Variants in CLYBL observed in about 807,000 individuals in gnomAD.
CLYBL encodes citramalyl-CoA lyase, mitochondrial.
In CLYBL, 31 loss-of-function variants were observed where a neutral mutation model predicts 38.9. The observed-to-expected ratio is 0.80, with a 90% CI of 0.60 to 1.08. The LOEUF is 1.08. Among genes scored for constraint, CLYBL ranks in the 50% least tolerant of loss-of-function variants. CLYBL has a pLI of 0.00. For synonymous variants in CLYBL, 171 were observed against 158.6 expected, an observed-to-expected ratio of 1.08 and a Z score of -0.59; for missense variants, 434 against 411.6, an observed-to-expected ratio of 1.05 and a Z score of -0.47.
At chr13:99,625,047 C>T (rs955723413) in intron 1 of CLYBL, among the ~76,000 whole-genome samples, 1 of 152,240 alleles carries the variant, frequency 6.6e-6, no homozygotes, top group Non-Finnish European at 1.5e-5. Context: ...CTGTTCCCTC[C>T]TTATGGCCAG....
chr13:99,794,928 AT>A (rs2049992100), intron 2 of CLYBL, among the ~76,000 whole-genome samples: 1 of 152,166 alleles, frequency 6.6e-6, no homozygotes, highest in South Asian at 2.1e-4. Flanking sequence ...CAGTGGGTGT[AT>A]TTTAAGTCAT....
intron 1 of CLYBL, among the ~76,000 whole-genome samples, chr13:99,615,354 G>T (rs2046692562): frequency 6.6e-6 from 1 of 152,242 alleles, no homozygotes; most frequent in Non-Finnish European, 1.5e-5. Context: ...ATTTAGGAAT[G>T]CAGGTTTCTA....
intron 7 of CLYBL, among the ~76,000 whole-genome samples, chr13:99,879,528 T>TA (rs1243097924): frequency 6.6e-6 from 1 of 152,228 alleles, no homozygotes; most frequent in Non-Finnish European, 1.5e-5. Flanking sequence ...CCTCTGCTGA[T>TA]ATTCTAAGTT....
chr13:99,640,472 G>GA (rs1348474431), intron 1 of CLYBL, among the ~76,000 whole-genome samples: 2 of 152,194 alleles, frequency 1.3e-5, no homozygotes, highest in African/African-American at 4.8e-5. Flanking sequence ...AAGGCTAGTG[G>GA]AAAATAGTTA....
intron 1 of CLYBL, among the ~76,000 whole-genome samples, chr13:99,612,676 C>T (rs2046646250): frequency 6.6e-6 from 1 of 152,090 alleles, no homozygotes; most frequent in South Asian, 2.1e-4. Context: ...ATGTGAGCCG[C>T]CACACCCATC....
At chr13:99,759,946 C>G (rs988882312) in intron 1 of CLYBL, among the ~76,000 whole-genome samples, 1 of 152,148 alleles carries the variant, frequency 6.6e-6, no homozygotes, top group South Asian at 2.1e-4. Context: ...CTTTTAAATG[C>G]TTTTATTGGC....
rs530179689 is a variant in CLYBL, at chr13:99,651,153, A to G, written c.62+44396A>G. On this transcript the variant is annotated intron_variant, in intron 1 of 8. Transcript: ENST00000339105. ...CTCTGCCTTCCAGTAGCTTTGCCCA[A>G]TGTGATCTCTGCTCTTTGTACCCTG... Among the ~76,000 whole-genome samples the G allele has an allele frequency of 3.3e-5, 5 of 152,312 alleles. No individual in the cohort carries two copies. In the East Asian group the frequency reaches 5.8e-4, roughly 18 times the overall value.
intron 8 of CLYBL, among the ~76,000 whole-genome samples, chr13:99,904,551 T>C (rs753530339): frequency 6.6e-6 from 1 of 152,236 alleles, no homozygotes; most frequent in Admixed American, 6.5e-5. Context: ...CATGTTGAAA[T>C]GTCTCATGCT....
Position 99,902,659 on chromosome 13 carries a change from C to CT in CLYBL, c.*25-2606dup, listed in dbSNP as rs554982366. Among the ~76,000 whole-genome samples, 49 of 152,248 alleles carry CT rather than the reference C, an allele frequency of 3.2e-4. No homozygotes were observed. The South Asian group carries it at 6.8e-3, about 21-fold the overall frequency. ...TTTTTTGAATTTTCAAAACTTGTCC[C>CT]TTTTTACTTTTATTTTCTTTCAACA... On this transcript the variant is annotated intron_variant and NMD_transcript_variant, in intron 8 of 9. Coordinates refer to the CLYBL transcript ENST00000689673.
chr13:99,758,558 A>G (rs2049107824), intron 1 of CLYBL, among the ~76,000 whole-genome samples: 1 of 152,170 alleles, frequency 6.6e-6, no homozygotes, highest in African/African-American at 2.4e-5. Flanking sequence ...CAAGCACAGA[A>G]CAGATTTTGG....
At chr13:99,690,787 C>A (rs866055980) in intron 1 of CLYBL, 5 of 152,124 alleles carry the variant, frequency 3.3e-5, no homozygotes, top group Non-Finnish European at 7.4e-5. Flanking sequence ...CGGGGAGATC[C>A]CATCTATTTT....
chr13:99,621,755 ATTT>A (rs75453163), intron 1 of CLYBL, among the ~76,000 whole-genome samples: 120,909 of 150,944 alleles, frequency 0.8, 48,426 homozygotes, highest in East Asian at 0.86. Context: ...TTTTTTGGCG[ATTT>A]TTTTTTTTTT....
chr13:99,816,132 A>T (rs1476222882), intron 2 of CLYBL, among the ~76,000 whole-genome samples: 1 of 152,140 alleles, frequency 6.6e-6, no homozygotes, highest in African/African-American at 2.4e-5. Flanking sequence ...TGAAATAGCA[A>T]TTTTCTTTTT....
chr13:99,877,571 CTTTTTTTTTTTTT>C, intron 7 of CLYBL: 1 of 212,138 alleles, frequency 4.7e-6, no homozygotes, highest in Non-Finnish European at 8.2e-6. Context: ...TTTTGTAATT[CTTTTTTTTTTTTT>C]TTTTTTTTTT....
At position 99,741,310 on chromosome 13, in the gene CLYBL, A is replaced by G. The variant is rs534299864; in HGVS notation, c.63-31514A>G. ...GGAGTCAGGGACTTAAGCTCAGATA[A>G]GCCAGAAGGCACTCCTCTGTCACCC... On this transcript the variant is annotated intron_variant, in intron 1 of 8. Coordinates refer to ENST00000339105, the MANE Select transcript of CLYBL (RefSeq NM_206808.5). Among the ~76,000 whole-genome samples, 5 of 152,256 alleles carry G rather than the reference A, an allele frequency of 3.3e-5. 1 individual carries two copies. In the South Asian group the frequency reaches 1.0e-3, roughly 32 times the overall value.
At chr13:99,766,182 T>C (rs1006942965) in intron 1 of CLYBL, among the ~76,000 whole-genome samples, 3 of 151,896 alleles carry the variant, frequency 2.0e-5, no homozygotes, top group Admixed American at 2.0e-4. Flanking sequence ...ATTTTCTGTA[T>C]CTTGTAGGCA....
chr13:99,693,330 A>C (rs2047934534), intron 1 of CLYBL, among the ~76,000 whole-genome samples: 1 of 152,130 alleles, frequency 6.6e-6, no homozygotes, highest in African/African-American at 2.4e-5. Flanking sequence ...GGTCAGAATA[A>C]AACTGACCAA....
rs1329308069 is a variant in CLYBL, at chr13:99,630,574, T to A, written c.62+23817T>A. ...TGAATAAGAAAAGCGTTTGATGAAA[T>A]CTTACCTAGTATAAAGACATATTAT... On this transcript the variant is annotated intron_variant, in intron 1 of 8. Transcript: ENST00000339105. Among the ~76,000 whole-genome samples the A allele has an allele frequency of 3.9e-5, 6 of 152,170 alleles. No homozygotes were observed. The East Asian group carries it at 1.2e-3, about 29-fold the overall frequency.
At chr13:99,709,405 C>T (rs958007477) in intron 1 of CLYBL, among the ~76,000 whole-genome samples, 13 of 152,188 alleles carry the variant, frequency 8.5e-5, no homozygotes, top group Admixed American at 1.3e-4. Flanking sequence ...CTGGCAGCAC[C>T]GTCCTCCGCT....
Sources: gnomAD v4.1 joint callset for allele counts (sites outside exome capture counted in the v4.1 genomes callset) on GRCh38, gnomAD v4.1.1 for gene constraint, MANE v1.5 for transcripts, NCBI Gene and HGNC (gene_info 2026-07-23, HGNC 2026-07-21) for gene names.